The following HS6ST2 variants were observed in gnomAD, a reference collection of about 807,000 sequenced individuals.
HS6ST2 encodes heparan-sulfate 6-O-sulfotransferase 2.
A neutral mutation model predicts 33.0 loss-of-function variants in HS6ST2; 17 were observed. The observed-to-expected ratio is 0.52, with a 90% CI of 0.35 to 0.77. The LOEUF is 0.77. Ranked by LOEUF, HS6ST2 falls within the 30% of genes least tolerant of loss-of-function variation. The pLI, the probability that HS6ST2 is intolerant of heterozygous loss-of-function variation, is 0.01. For synonymous variants in HS6ST2, 248 were observed against 237.1 expected, an observed-to-expected ratio of 1.05 and a Z score of -0.42; for missense variants, 519 against 551.7, an observed-to-expected ratio of 0.94 and a Z score of 0.59.
chrX:132,821,136 A>G (rs772650562), intron 2 of HS6ST2, among the ~76,000 whole-genome samples: 2 of 109,860 alleles, frequency 1.8e-5, no homozygotes, highest in African/African-American at 6.6e-5. Flanking sequence ...TCTTACTTAT[A>G]GTTACTGAGA....
At chrX:132,703,126 T>C (rs1259687478) in intron 3 of HS6ST2, among the ~76,000 whole-genome samples, 2 of 112,181 alleles carry the variant, frequency 1.8e-5, no homozygotes, top group East Asian at 2.8e-4. Flanking sequence ...TTTTGTGCCG[T>C]GAGAGATCTG....
intron 2 of HS6ST2, among the ~76,000 whole-genome samples, chrX:132,757,209 C>A (rs2064764016): frequency 8.9e-6 from 1 of 111,866 alleles, no homozygotes; most frequent in African/African-American, 3.3e-5. Context: ...GCACAGGAAG[C>A]TGAGGCTGAA....
At chrX:132,670,335 A>G (rs1291930210) in intron 3 of HS6ST2, among the ~76,000 whole-genome samples, 2 of 111,846 alleles carry the variant, frequency 1.8e-5, no homozygotes, top group African/African-American at 6.5e-5. Flanking sequence ...TGGGGGTCAC[A>G]AAAGATATTC....
At chrX:132,658,226 A>G (rs1738113574) in intron 4 of HS6ST2, among the ~76,000 whole-genome samples, 2 of 111,586 alleles carry the variant, frequency 1.8e-5, no homozygotes, top group Admixed American at 9.5e-5. Flanking sequence ...TATGGGCAAC[A>G]CCATCTAAGC....
chrX:132,877,598 A>AG (rs1202743690), intron 2 of HS6ST2, among the ~76,000 whole-genome samples: 2 of 111,252 alleles, frequency 1.8e-5, no homozygotes. Context: ...ATTTGACTCA[A>AG]TGAATGCTGC....
In HS6ST2 at chrX:132,958,457, G is replaced by A. The variant is rs181526961; in HGVS notation, c.146C>T (p.Ser49Leu). ...AASRPGSVAA[S>L]VRAGPPRGVS... is the part of the protein sequence containing the mutation. The stretch of plus-strand genomic sequence containing the variant: ...ACCCCTAGGAGGGCCCGCGCGAACT[G>A]AGGCGGCGACCGACCCGGGCCGGCT... Residue 49 changes from serine (S) to leucine (L), a missense_variant, in exon 1 of 5, where the codon TCA becomes TTA. Ser to Leu is a moderately radical substitution (Grantham distance 145). Coordinates refer to ENST00000370833, the MANE Select transcript of HS6ST2 (RefSeq NM_001394073.1). The A allele has an allele frequency of 0.012, 14,231 of 1,197,531 alleles. 73 individuals carry two copies. The highest frequency in any genetic ancestry group is 0.022 in the South Asian group (1,204 of 55,362).
At chrX:132,876,554 C>G (rs1323657949) in intron 2 of HS6ST2, among the ~76,000 whole-genome samples, 1 of 111,409 alleles carries the variant, frequency 9.0e-6, no homozygotes, top group Non-Finnish European at 1.9e-5. Flanking sequence ...ATAAATCAGC[C>G]ACAGGGTGGA....
At chrX:132,668,311 G>C (rs243466) in intron 4 of HS6ST2, 51,324 of 109,599 alleles carry the variant, frequency 0.47, 11,635 homozygotes, top group African/African-American at 0.89. Context: ...GAGTTTCTGC[G>C]TGTCACAATG....
intron 2 of HS6ST2, among the ~76,000 whole-genome samples, chrX:132,819,175 G>A (rs1458955409): frequency 1.8e-5 from 2 of 111,005 alleles, no homozygotes; most frequent in Non-Finnish European, 3.8e-5. Flanking sequence ...GAAAGATTTA[G>A]AGGATGTTGC....
At chrX:132,895,893 T>C (rs1318812140) in intron 2 of HS6ST2, among the ~76,000 whole-genome samples, 2 of 111,046 alleles carry the variant, frequency 1.8e-5, no homozygotes, top group Non-Finnish European at 3.8e-5. Flanking sequence ...CAGGTGCCTC[T>C]TTTGGTTCTA....
At chrX:132,807,993 G>T (rs756651209) in intron 2 of HS6ST2, among the ~76,000 whole-genome samples, 1 of 111,851 alleles carries the variant, frequency 8.9e-6, no homozygotes, top group South Asian at 3.8e-4. Flanking sequence ...TTCCAATTTG[G>T]CTGGCTTGGT....
intron 2 of HS6ST2, among the ~76,000 whole-genome samples, chrX:132,903,203 G>T (rs1014493190): frequency 1.8e-5 from 2 of 111,234 alleles, no homozygotes; most frequent in Non-Finnish European, 3.8e-5. Flanking sequence ...CAATAGCATC[G>T]CTAGAAATTA....
At chrX:132,689,466 T>C (rs2064043743) in intron 3 of HS6ST2, among the ~76,000 whole-genome samples, 1 of 111,955 alleles carries the variant, frequency 8.9e-6, no homozygotes, top group Non-Finnish European at 1.9e-5. Flanking sequence ...TGTTTGCTGC[T>C]GGTTATATGA....
intron 2 of HS6ST2, among the ~76,000 whole-genome samples, chrX:132,808,125 G>C (rs1463213785): frequency 9.0e-6 from 1 of 111,324 alleles, no homozygotes; most frequent in East Asian, 2.8e-4. Flanking sequence ...AGATCAGGCA[G>C]GTGAATGAAA....
chrX:132,885,303 C>G (rs2066237504), intron 2 of HS6ST2, among the ~76,000 whole-genome samples: 1 of 111,772 alleles, frequency 8.9e-6, no homozygotes, highest in Non-Finnish European at 1.9e-5. Context: ...ATTCTGGAAT[C>G]AGACAGTGAT....
chrX:132,710,278 C>T (rs1042344514), intron 2 of HS6ST2, among the ~76,000 whole-genome samples: 5 of 111,592 alleles, frequency 4.5e-5, no homozygotes, highest in Non-Finnish European at 9.4e-5. Context: ...AAGATACATA[C>T]TAATTAGAAG....
intron 2 of HS6ST2, among the ~76,000 whole-genome samples, chrX:132,940,569 C>A (rs972624987): frequency 2.7e-5 from 3 of 111,151 alleles, no homozygotes; most frequent in African/African-American, 6.5e-5. Flanking sequence ...TTAAAAAAAA[C>A]CAATTAATAT....
At chrX:132,925,334 GTGT>G (rs201375766) in intron 2 of HS6ST2, among the ~76,000 whole-genome samples, 1,303 of 111,730 alleles carry the variant, frequency 0.012, 6 homozygotes, top group Non-Finnish European at 0.018. Flanking sequence ...ATGTAAGCAA[GTGT>G]TCCTTGAGTT....
At chrX:132,766,538 A>G (rs1422510799) in intron 2 of HS6ST2, among the ~76,000 whole-genome samples, 1 of 111,712 alleles carries the variant, frequency 9.0e-6, no homozygotes, top group Non-Finnish European at 1.9e-5. Context: ...GTTGACCTAG[A>G]GCACTCAACT....
Sources: allele counts gnomAD v4.1 joint callset (sites outside exome capture counted in the v4.1 genomes callset), GRCh38; gene constraint gnomAD v4.1.1; transcripts MANE v1.5; gene names NCBI Gene and HGNC (gene_info 2026-07-23, HGNC 2026-07-21).